The following PTPN1 variants were observed in gnomAD, a reference collection of about 807,000 sequenced individuals.
PTPN1 encodes the protein protein tyrosine phosphatase non-receptor type 1.
A neutral mutation model predicts 59.9 loss-of-function variants in PTPN1; 12 were observed. The observed-to-expected ratio is 0.20, with a 90% CI of 0.13 to 0.32. The LOEUF (loss-of-function observed/expected upper bound fraction) is 0.32. Among genes scored for constraint, PTPN1 ranks in the 10% least tolerant of loss-of-function variants. The probability of loss-of-function intolerance (pLI) is 1.00; values close to 1 mark genes in which losing one functional copy is unlikely to be tolerated. For synonymous variants in PTPN1, 178 were observed against 203.6 expected (o/e 0.87, Z 1.07); for missense variants, 356 against 549.2 (o/e 0.65, Z 3.52).
intron 3 of PTPN1, among the ~76,000 whole-genome samples, chr20:50,566,211 G>C (rs2082778506): frequency 6.6e-6 from 1 of 152,170 alleles, no homozygotes; most frequent in South Asian, 2.1e-4. Flanking sequence ...GGAGATGTCT[G>C]GGGATGAGGT....
At chr20:50,523,462 T>G (rs1380838831) in intron 1 of PTPN1, among the ~76,000 whole-genome samples, 2 of 152,240 alleles carry the variant, frequency 1.3e-5, no homozygotes, top group African/African-American at 4.8e-5. Context: ...TATGTGAAAT[T>G]AAAACCAACC....
At chr20:50,565,187 A>G (rs891638260) in intron 3 of PTPN1, 118 bp downstream of exon 3, 1 of 1,027,134 alleles carries the variant, frequency 9.7e-7, no homozygotes, top group Non-Finnish European at 1.4e-6. Context: ...TCAGCATACC[A>G]AAAAGCAGCA....
At chr20:50,531,202 C>T (rs924670446) in intron 1 of PTPN1, among the ~76,000 whole-genome samples, 1 of 152,172 alleles carries the variant, frequency 6.6e-6, no homozygotes, top group African/African-American at 2.4e-5. Context: ...ACCACACTCA[C>T]CAGCTTTCAT....
rs902194308 is a variant in PTPN1 at position 50,568,282 on chromosome 20, G to A, written c.256-98G>A. 6 of 1,033,610 alleles carry A rather than the reference G, an allele frequency of 5.8e-6. No individual in the cohort carries two copies. Among genetic ancestry groups the A allele is most frequent in the Non-Finnish European group, 9.0e-6 (6 of 664,834 alleles). 64.0% of individuals were successfully genotyped at this position (1,033,610 alleles called of 1,614,324 possible). ...GCCACCACTCTGCCTAAGCTGTGGG[G>A]ACTGAGGGCGCTGTCGTTAGCTGAC... On this transcript the variant is annotated intron_variant, in intron 3 of 9. Coordinates refer to ENST00000371621, the MANE Select transcript of PTPN1 (RefSeq NM_002827.4). The surrounding 1 kb of genome is among the most constrained non-coding windows in gnomAD (Gnocchi z 5.6).
chr20:50,525,972 A>C (rs1426065380), intron 1 of PTPN1, among the ~76,000 whole-genome samples: 1 of 152,168 alleles, frequency 6.6e-6, no homozygotes, highest in African/African-American at 2.4e-5. Flanking sequence ...ATAAAAAGGC[A>C]TCCTGGATAG....
At chr20:50,567,065 T>G (rs2082782705) in intron 3 of PTPN1, among the ~76,000 whole-genome samples, 1 of 151,996 alleles carries the variant, frequency 6.6e-6, no homozygotes, top group South Asian at 2.1e-4. Flanking sequence ...GGAAAGAAAG[T>G]GAGAGGACAC....
At position 50,568,308 on chromosome 20, in the gene PTPN1, T is replaced by G. The variant is rs2082788908; in HGVS notation, c.256-72T>G. 7.2e-7 allele frequency: 1 copy of G among 1,383,466 alleles called. No individual in the cohort carries two copies. The highest frequency in any genetic ancestry group is 1.2e-5 in the South Asian group (1 of 86,188). 85.7% of individuals were successfully genotyped at this position (1,383,466 alleles called of 1,614,324 possible). A position where few individuals can be genotyped will look rare whatever the true frequency, so the allele number is the denominator to read the frequency against. ...ACTGAGGGCGCTGTCGTTAGCTGAC[T>G]GCAGAAGGTGAGCACACGCTGTAGC... On this transcript the variant is annotated intron_variant, in intron 3 of 9. Transcript: ENST00000371621. This position sits in a 1 kb window ranked among gnomAD's most constrained non-coding sequence, Gnocchi z 5.6.
chr20:50,578,944 A>G (rs1307469921), intron 6 of PTPN1, among the ~76,000 whole-genome samples: 1 of 151,902 alleles, frequency 6.6e-6, no homozygotes, highest in African/African-American at 2.4e-5. Context: ...GAGGTCCCAG[A>G]CTCTTAACCA....
At chr20:50,574,047 C>G (rs1472127016) in intron 4 of PTPN1, 4 of 153,114 alleles carry the variant, frequency 2.6e-5, no homozygotes, top group African/African-American at 9.6e-5. Context: ...AACTGCTCAG[C>G]CTCTCCAAAG....
chr20:50,544,935 G>C (rs2082668382), intron 1 of PTPN1, among the ~76,000 whole-genome samples: 1 of 152,150 alleles, frequency 6.6e-6, no homozygotes, highest in Non-Finnish European at 1.5e-5. Context: ...GAGCCCAGGA[G>C]GTAGAGGCTG....
At position 50,579,257 on chromosome 20, in the gene PTPN1, C is replaced by G. The variant is rs760185688; in HGVS notation, c.792C>G (p.Ala264=). 1.9e-6 allele frequency: 3 copies of G among 1,614,104 alleles called. No homozygotes were observed. Among genetic ancestry groups the G allele is most frequent in the Non-Finnish European group, 2.5e-6 (3 of 1,180,040 alleles). The change falls in exon 7 of 10, where the codon GCC becomes GCG. Residue 264 remains alanine, a synonymous_variant. Transcript: ENST00000371621. Reference sequence around the variant, plus strand: ...TTCGGATGGGGCTGATCCAGACAGCCGACCAGCTGCGCTTCTCCTACCTGG... The same window carrying G: ...TTCGGATGGGGCTGATCCAGACAGCGGACCAGCTGCGCTTCTCCTACCTGG... ...RKFRMGLIQT[A]DQLRFSYLAV... is the part of the protein sequence containing the mutation.
chr20:50,516,933 A>G (rs1239795199), intron 1 of PTPN1, among the ~76,000 whole-genome samples: 1 of 152,240 alleles, frequency 6.6e-6, no homozygotes, highest in Non-Finnish European at 1.5e-5. Context: ...TTGAGAAGAA[A>G]GTACCTAAGT....
chr20:50,543,859 T>C (rs553827532), intron 1 of PTPN1, among the ~76,000 whole-genome samples: 6 of 152,284 alleles, frequency 3.9e-5, no homozygotes, highest in African/African-American at 1.4e-4. Flanking sequence ...AAACTTTTTT[T>C]TTTTGAGACA....
chr20:50,516,960 A>G (rs967061384), intron 1 of PTPN1, among the ~76,000 whole-genome samples: 1 of 152,240 alleles, frequency 6.6e-6, no homozygotes, highest in African/African-American at 2.4e-5. Flanking sequence ...CATTTTAGAA[A>G]TAATGCTTTA....
rs144346092 is a variant in PTPN1, at chr20:50,581,308, A to G, written c.1132A>G (p.Ser378Gly). Reference protein sequence around the residue: ...TEVRSRVVGGSLRGAQAASPA... With the variant: ...TEVRSRVVGGGLRGAQAASPA... ...AGTTAGAAGTCGGGTCGTGGGGGGA[A>G]GTCTTCGAGGTGCCCAGGCTGCCTC... Residue 378 changes from serine (S) to glycine (G), a missense_variant, in exon 9 of 10, where the codon AGT (serine) becomes GGT (glycine). Ser to Gly is a moderately conservative substitution (Grantham distance 56). Around this residue, in one of 3 missense-constraint regions of PTPN1, gnomAD observed 62 missense variants for 97.2 expected, o/e 0.64. Coordinates refer to ENST00000371621, the MANE Select transcript of PTPN1 (RefSeq NM_002827.4). 6.8e-6 allele frequency: 11 copies of G among 1,613,416 alleles called. No homozygotes were observed. Among genetic ancestry groups the G allele is most frequent in the Non-Finnish European group, 9.3e-6 (11 of 1,179,482 alleles).
At chr20:50,545,959 G>T (rs1349215807) in intron 1 of PTPN1, among the ~76,000 whole-genome samples, 3 of 151,944 alleles carry the variant, frequency 2.0e-5, no homozygotes, top group African/African-American at 7.3e-5. Flanking sequence ...GATCACCTGA[G>T]CCCTAGAAGT....
In PTPN1 at chr20:50,584,970, A is replaced by G. The variant is rs1315722882; in HGVS notation, c.*2255A>G. Reference sequence around the variant, plus strand: ...TTCCTTGACTGTGAGCTTGTTGAACACCTTAGGCCTCAGCCCATTTCCTTC... The same window carrying G: ...TTCCTTGACTGTGAGCTTGTTGAACGCCTTAGGCCTCAGCCCATTTCCTTC... On this transcript the variant is annotated 3_prime_UTR_variant, in exon 10 of 10. Coordinates refer to ENST00000371621, the MANE Select transcript of PTPN1 (RefSeq NM_002827.4). 6.6e-6 allele frequency: 1 copy of G among 152,156 alleles called. No individual in the cohort carries two copies. Among genetic ancestry groups the G allele is most frequent in the Non-Finnish European group, 1.5e-5 (1 of 68,024 alleles). 9.4% of individuals were successfully genotyped at this position (152,156 alleles called of 1,614,324 possible).
intron 1 of PTPN1, among the ~76,000 whole-genome samples, chr20:50,514,428 G>A (rs974263184): frequency 1.3e-5 from 2 of 152,176 alleles, no homozygotes; most frequent in African/African-American, 2.4e-5. Context: ...GCCTTTTGTT[G>A]TGTGATTCTT....
At chr20:50,579,080 T>C (rs1296786979) in intron 6 of PTPN1, 88 bp from the exon 7 acceptor site, 1 of 1,398,248 alleles carries the variant, frequency 7.2e-7, no homozygotes, top group African/African-American at 1.4e-5. Context: ...CAGCATGAGA[T>C]TGGGAGGGGA....
Sources: gnomAD v4.1 joint callset for allele counts (sites outside exome capture counted in the v4.1 genomes callset) on GRCh38, gnomAD v4.1.1 for gene constraint, gnomAD v4.1.1 regional missense constraint, Gnocchi (gnomAD v3.1) non-coding constraint, MANE v1.5 for transcripts, NCBI Gene and HGNC (gene_info 2026-07-23, HGNC 2026-07-21) for gene names.